CCDC170: variants seen among roughly 807,000 people sequenced by gnomAD.
CCDC170 encodes the protein coiled-coil domain containing 170.
A neutral mutation model predicts 72.6 loss-of-function variants in CCDC170; 69 were observed. The ratio of observed to expected loss-of-function variants is 0.95; its 90% CI spans 0.78 to 1.16. The LOEUF is 1.16. Ranked by LOEUF, CCDC170 falls within the 50% of genes most tolerant of loss-of-function variation. The probability of loss-of-function intolerance (pLI) is 0.00; values close to 1 mark genes in which losing one functional copy is unlikely to be tolerated. For missense variants in CCDC170, 852 were observed against 832.5 expected (o/e 1.02, Z -0.29); for synonymous variants, 300 against 303.9 (o/e 0.99, Z 0.13).
At chr6:151,592,541 CA>C (rs1025836520) in intron 7 of CCDC170, among the ~76,000 whole-genome samples, 1 of 152,050 alleles carries the variant, frequency 6.6e-6, no homozygotes, top group African/African-American at 2.4e-5. Flanking sequence ...GAGAGCCAAG[CA>C]AAAGGGGTTT....
At position 151,620,153 on chromosome 6, in the gene CCDC170, T is replaced by C. The variant is rs1488515898; in HGVS notation, c.*2006T>C. 1.9e-5 allele frequency: 2 copies of C among 103,512 alleles called. No individual in the cohort carries two copies. The highest frequency in any genetic ancestry group is 7.6e-5 in the African/African-American group (2 of 26,374). The allele number at this position is 103,512 out of a possible 1,614,324, so 6.4% of individuals were successfully genotyped here. ...GGAAAAAATAGTGAAGATCTTCTTT[T>C]AGGAAAACTACCAATAAATGTAGAA... On this transcript the variant is annotated 3_prime_UTR_variant, in exon 11 of 11. Coordinates refer to ENST00000239374, the MANE Select transcript of CCDC170 (RefSeq NM_025059.4).
intron 1 of CCDC170, among the ~76,000 whole-genome samples, chr6:151,501,011 T>C (rs1781985929): frequency 6.6e-6 from 1 of 152,098 alleles, no homozygotes; most frequent in Non-Finnish European, 1.5e-5. Flanking sequence ...TTTTCCCCAA[T>C]TACCCAAGGG....
intron 6 of CCDC170, among the ~76,000 whole-genome samples, chr6:151,583,378 C>T (rs1423646294): frequency 4.6e-5 from 7 of 152,038 alleles, no homozygotes; most frequent in East Asian, 1.9e-4. Flanking sequence ...AATTTTTGGC[C>T]GATCTCAGAT....
At chr6:151,583,086 G>A (rs556779705) in intron 6 of CCDC170, among the ~76,000 whole-genome samples, 1 of 139,408 alleles carries the variant, frequency 7.2e-6, no homozygotes, top group Non-Finnish European at 1.5e-5. Context: ...TCTGCCTCCC[G>A]GGTTAAAGTG....
chr6:151,508,255 C>T (rs1172592862), intron 1 of CCDC170, among the ~76,000 whole-genome samples: 2 of 152,118 alleles, frequency 1.3e-5, no homozygotes, highest in African/African-American at 4.8e-5. Flanking sequence ...AATATTACAT[C>T]TGCTGGGCCC....
At chr6:151,557,964 G>C (rs555984150) in intron 5 of CCDC170, among the ~76,000 whole-genome samples, 1 of 152,152 alleles carries the variant, frequency 6.6e-6, no homozygotes. Context: ...GCTGGACGTG[G>C]TGATACACAC....
intron 5 of CCDC170, among the ~76,000 whole-genome samples, chr6:151,567,071 C>T (rs904567658): frequency 6.6e-6 from 1 of 152,124 alleles, no homozygotes; most frequent in Non-Finnish European, 1.5e-5. Context: ...CAGGCATGCA[C>T]CACCACACCC....
intron 3 of CCDC170, among the ~76,000 whole-genome samples, chr6:151,540,186 TGG>T (rs1044942312): frequency 7.9e-5 from 12 of 152,038 alleles, no homozygotes; most frequent in African/African-American, 2.7e-4. Context: ...TTGTGGAGGC[TGG>T]GAAGGCCAAG....
intron 6 of CCDC170, among the ~76,000 whole-genome samples, chr6:151,579,103 T>C (rs9478223): frequency 0.15 from 22,640 of 151,864 alleles, 2,071 homozygotes; most frequent in African/African-American, 0.27. Flanking sequence ...CCCCTCACCC[T>C]CCACTGCCCA....
chr6:151,613,669 A>T (rs754295372), intron 9 of CCDC170, among the ~76,000 whole-genome samples: 3 of 151,802 alleles, frequency 2.0e-5, no homozygotes, highest in Non-Finnish European at 4.4e-5. Context: ...ATGTCCCAGT[A>T]CTCTATTCTT....
At chr6:151,600,287 T>G (rs540044697) in intron 9 of CCDC170, among the ~76,000 whole-genome samples, 1 of 152,334 alleles carries the variant, frequency 6.6e-6, no homozygotes, top group East Asian at 1.9e-4. Flanking sequence ...ATTTCACTAT[T>G]CATAAAGCAA....
chr6:151,568,447 A>T (rs1776170718), intron 5 of CCDC170, among the ~76,000 whole-genome samples: 1 of 152,174 alleles, frequency 6.6e-6, no homozygotes, highest in African/African-American at 2.4e-5. Flanking sequence ...GGGTGTGTGC[A>T]TGTGCATGTG....
intron 1 of CCDC170, among the ~76,000 whole-genome samples, chr6:151,513,919 CAAAAAAA>C (rs58387477): frequency 1.1e-3 from 58 of 51,204 alleles, no homozygotes; most frequent in African/African-American, 2.9e-3. Context: ...GACCCTGTCT[CAAAAAAA>C]AAAAAAAAAA....
chr6:151,538,218 C>T lies in CCDC170; in HGVS notation c.360C>T (p.Ile120=). The part of the protein sequence containing the change: ...EESAALSTSK[I]RTEITAHAAI... ...CAGCAGCACTTTCCACTTCTAAAAT[C>T]AGAACAGAAATCACAGCTCACGCTG... is the stretch of plus-strand genomic sequence containing the variant. The change falls in exon 3 of 11, where the codon ATC becomes ATT. Residue 120 remains isoleucine (I), a synonymous_variant. Coordinates refer to ENST00000239374, the MANE Select transcript of CCDC170 (RefSeq NM_025059.4). 6.2e-7 allele frequency: 1 copy of T among 1,613,714 alleles called. No homozygotes were observed. The highest frequency in any genetic ancestry group is 8.5e-7 in the Non-Finnish European group (1 of 1,179,776).
chr6:151,540,724 A>G (rs996770565), intron 3 of CCDC170, among the ~76,000 whole-genome samples: 12 of 151,916 alleles, frequency 7.9e-5, no homozygotes, highest in African/African-American at 2.7e-4. Context: ...CTCATTCACG[A>G]GGTCTCCTCT....
At position 151,572,695 on chromosome 6, in the gene CCDC170, G is replaced by A. The variant is rs1240745523; in HGVS notation, c.775-479G>A. On this transcript the variant is annotated intron_variant, in intron 5 of 10. Transcript: ENST00000239374. ...GATGGAGTCTTGTTCTGTTGCCCAG[G>A]CTGGAGTACAGTGGAGTGATCTCAG... Among the ~76,000 whole-genome samples, 5 of 79,176 alleles carry A rather than the reference G, an allele frequency of 6.3e-5. No homozygotes were observed. The South Asian group carries it at 2.0e-3, about 31-fold the overall frequency. 51.9% of individuals were successfully genotyped at this position (79,176 alleles called of 152,430 possible). A position where few individuals can be genotyped will look rare whatever the true frequency, so the allele number is the denominator to read the frequency against.
intron 5 of CCDC170, among the ~76,000 whole-genome samples, chr6:151,572,658 T>TTTTTTTTTTG (rs1554223890): frequency 1.2e-4 from 16 of 137,938 alleles, no homozygotes; most frequent in Non-Finnish European, 1.1e-4. Context: ...TGTTTTTTTT[T>TTTTTTTTTTG]TTTTTTTTTT....
At chr6:151,501,747 T>C (rs1004031467) in intron 1 of CCDC170, among the ~76,000 whole-genome samples, 1 of 152,216 alleles carries the variant, frequency 6.6e-6, no homozygotes, top group South Asian at 2.1e-4. Flanking sequence ...TAATGTGTAG[T>C]GTATTTCAAA....
chr6:151,513,596 T>G (rs1297692928), intron 1 of CCDC170, among the ~76,000 whole-genome samples: 4 of 105,440 alleles, frequency 3.8e-5, no homozygotes, highest in African/African-American at 1.6e-4. Context: ...GATGATAGAG[T>G]GAGAGAGGCT....
Sources: allele counts gnomAD v4.1 joint callset (sites outside exome capture counted in the v4.1 genomes callset), GRCh38; gene constraint gnomAD v4.1.1; transcripts MANE v1.5; gene names NCBI Gene and HGNC (gene_info 2026-07-23, HGNC 2026-07-21).